Variants in SLC35F3 observed in about 807,000 individuals in gnomAD.
SLC35F3 encodes the protein putative thiamine transporter SLC35F3.
In SLC35F3, 25 loss-of-function variants were observed where a neutral mutation model predicts 49.9. That is an observed-to-expected ratio of 0.50 (90% CI 0.37 to 0.70). The LOEUF (loss-of-function observed/expected upper bound fraction) is 0.70, where lower values mean the gene tolerates loss of function less well. Among genes scored for constraint, SLC35F3 ranks in the 30% least tolerant of loss-of-function variants. SLC35F3 has a pLI of 0.00. For synonymous variants in SLC35F3, 275 were observed against 265.4 expected, an observed-to-expected ratio of 1.04 and a Z score of -0.35; for missense variants, 525 against 639.8, an observed-to-expected ratio of 0.82 and a Z score of 1.94.
chr1:233,939,611 A>G (rs1473827347), intron 2 of SLC35F3, among the ~76,000 whole-genome samples: 2 of 152,214 alleles, frequency 1.3e-5, no homozygotes, highest in East Asian at 1.9e-4. Flanking sequence ...TGTTCTTTAC[A>G]TGATTATGAA....
chr1:234,269,848 C>T (rs1668069772), intron 3 of SLC35F3, among the ~76,000 whole-genome samples: 1 of 152,166 alleles, frequency 6.6e-6, no homozygotes, highest in Admixed American at 6.5e-5. Flanking sequence ...TGCTTCCCCT[C>T]TCACCACGTG....
intron 3 of SLC35F3, among the ~76,000 whole-genome samples, chr1:234,275,588 TAGACAGACAGAC>T: frequency 6.6e-6 from 1 of 150,702 alleles, no homozygotes; most frequent in South Asian, 2.1e-4. Context: ...GGTAGGTAGA[TAGACAGACAGAC>T]AGACACACAC....
rs1666458311 is a variant in SLC35F3 at position 234,175,276 on chromosome 1, T to C, written c.284-56141T>C. On this transcript the variant is annotated intron_variant, in intron 2 of 7. Transcript: ENST00000366618. Reference sequence around the variant, plus strand: ...TTCATTTTGGTCCAAAGAAGCAATCTTTATTAACTATTTTCTTCTCTCGCA... The same window carrying C: ...TTCATTTTGGTCCAAAGAAGCAATCCTTATTAACTATTTTCTTCTCTCGCA... 2.6e-5 allele frequency among the ~76,000 whole-genome samples: 4 copies of C among 152,326 alleles called. No homozygotes were observed. The South Asian group carries it at 8.3e-4, about 32-fold the overall frequency.
chr1:233,958,363 T>C (rs1420828875), intron 2 of SLC35F3, among the ~76,000 whole-genome samples: 1 of 152,206 alleles, frequency 6.6e-6, no homozygotes, highest in African/African-American at 2.4e-5. Context: ...CCTTTCTCAC[T>C]CTTTTTCCTT....
chr1:234,203,117 A>C (rs1156641605), intron 2 of SLC35F3, among the ~76,000 whole-genome samples: 1 of 152,262 alleles, frequency 6.6e-6, no homozygotes, highest in African/African-American at 2.4e-5. Flanking sequence ...TATTGCAAGA[A>C]AAAATAAAAA....
At chr1:234,263,814 A>G (rs1174827808) in intron 3 of SLC35F3, among the ~76,000 whole-genome samples, 1 of 152,202 alleles carries the variant, frequency 6.6e-6, no homozygotes, top group African/African-American at 2.4e-5. Flanking sequence ...GGAGCTTTTA[A>G]GAGTCCAGAT....
chr1:233,911,277 A>G (rs987977219), intron 2 of SLC35F3, among the ~76,000 whole-genome samples: 2 of 152,190 alleles, frequency 1.3e-5, no homozygotes, highest in Non-Finnish European at 2.9e-5. Context: ...TGATCCTCCT[A>G]AAATAGTAAA....
At chr1:234,147,230 CTTTTT>C (rs201359916) in intron 2 of SLC35F3, among the ~76,000 whole-genome samples, 3 of 125,100 alleles carry the variant, frequency 2.4e-5, no homozygotes, top group Admixed American at 1.6e-4. Context: ...TTTCTATTTT[CTTTTT>C]TTTTTTTTTT....
chr1:234,069,241 TATA>T (rs2102866967), intron 2 of SLC35F3, among the ~76,000 whole-genome samples: 1 of 132,896 alleles, frequency 7.5e-6, no homozygotes, highest in East Asian at 2.0e-4. Flanking sequence ...TATAAAAATA[TATA>T]ATATATATAT....
chr1:234,247,159 G>A (rs551343027), intron 3 of SLC35F3, among the ~76,000 whole-genome samples: 1 of 152,206 alleles, frequency 6.6e-6, no homozygotes, highest in Non-Finnish European at 1.5e-5. Context: ...GGTGCTAGGT[G>A]CTTGAAACAA....
intron 2 of SLC35F3, among the ~76,000 whole-genome samples, chr1:234,188,853 C>T (rs1666686543): frequency 6.6e-6 from 1 of 152,170 alleles, no homozygotes; most frequent in African/African-American, 2.4e-5. Context: ...GCTGAGAGAC[C>T]TAAAGATAGT....
chr1:234,024,648 CTCT>C (rs1663948145), intron 2 of SLC35F3, among the ~76,000 whole-genome samples: 1 of 152,086 alleles, frequency 6.6e-6, no homozygotes, highest in African/African-American at 2.4e-5. Flanking sequence ...ATTCCTCTGC[CTCT>C]TCTTATAAAG....
chr1:233,953,835 A>C (rs1292090701), intron 2 of SLC35F3, among the ~76,000 whole-genome samples: 1 of 152,160 alleles, frequency 6.6e-6, no homozygotes, highest in African/African-American at 2.4e-5. Context: ...ACAGTACTGG[A>C]AGGTGCAGCA....
rs1025922908 is a variant in SLC35F3 at position 234,193,558 on chromosome 1, C to G, written c.284-37859C>G. On this transcript the variant is annotated intron_variant, in intron 2 of 7. Transcript: ENST00000366618. ...GGCAAAGACTTCATGACCAAGAACC[C>G]AAAAGCAAATGCAACAAAAACAAAA... 2.6e-5 allele frequency among the ~76,000 whole-genome samples: 4 copies of G among 152,074 alleles called. No homozygotes were observed. The South Asian group carries it at 8.3e-4, about 32-fold the overall frequency.
chr1:234,120,396 G>A (rs1250617186), intron 2 of SLC35F3, among the ~76,000 whole-genome samples: 1 of 152,188 alleles, frequency 6.6e-6, no homozygotes, highest in Non-Finnish European at 1.5e-5. Context: ...AGCATTTGCT[G>A]GGCATCTGTG....
At chr1:234,035,781 T>A (rs1310807460) in intron 2 of SLC35F3, among the ~76,000 whole-genome samples, 1 of 152,218 alleles carries the variant, frequency 6.6e-6, no homozygotes, top group Admixed American at 6.5e-5. Flanking sequence ...TTTTTAAATT[T>A]AACATTCTAT....
chr1:234,270,821 G>A (rs1668086583), intron 3 of SLC35F3, among the ~76,000 whole-genome samples: 1 of 152,246 alleles, frequency 6.6e-6, no homozygotes, highest in African/African-American at 2.4e-5. Context: ...CTGACGCAGG[G>A]CTTGTCAAGG....
chr1:233,907,272 T>C (rs1661792319), intron 2 of SLC35F3, among the ~76,000 whole-genome samples: 1 of 152,246 alleles, frequency 6.6e-6, no homozygotes, highest in Admixed American at 6.5e-5. Flanking sequence ...GGTTTTATCT[T>C]TATAAATCTA....
At chr1:234,288,556 C>T (rs1434717361) in intron 3 of SLC35F3, among the ~76,000 whole-genome samples, 1 of 152,178 alleles carries the variant, frequency 6.6e-6, no homozygotes, top group Non-Finnish European at 1.5e-5. Flanking sequence ...AAGGATTTCC[C>T]ATAAACTGAC....
Sources: gnomAD v4.1 joint callset for allele counts (sites outside exome capture counted in the v4.1 genomes callset) on GRCh38, gnomAD v4.1.1 for gene constraint, MANE v1.5 for transcripts, NCBI Gene and HGNC (gene_info 2026-07-23, HGNC 2026-07-21) for gene names.